The following GPATCH2 variants were observed in gnomAD, a reference collection of about 807,000 sequenced individuals.
GPATCH2 encodes the protein G-patch domain containing 2.
GPATCH2 carries 51 observed loss-of-function variants against 58.0 expected under a neutral mutation model. The observed-to-expected ratio is 0.88, with a 90% CI of 0.70 to 1.11. The LOEUF is 1.11. GPATCH2 is among the 50% of genes most tolerant of loss of function. The pLI is 0.00. For missense variants in GPATCH2, 625 were observed against 652.2 expected (o/e 0.96, Z 0.45); for synonymous variants, 222 against 218.5 (o/e 1.02, Z -0.14).
chr1:217,557,186 C>A (rs1350736133), intron 5 of GPATCH2, among the ~76,000 whole-genome samples: 1 of 152,130 alleles, frequency 6.6e-6, no homozygotes, highest in Non-Finnish European at 1.5e-5. Context: ...GCGGGTGGAT[C>A]ACCTGAGGTC....
intron 8 of GPATCH2, among the ~76,000 whole-genome samples, chr1:217,466,741 G>A (rs981442207): frequency 2.0e-5 from 3 of 152,106 alleles, no homozygotes; most frequent in Admixed American, 6.5e-5. Flanking sequence ...AGAAAAAAAA[G>A]CCTTCTTCAA....
chr1:217,491,840 C>A, intron 7 of GPATCH2, 90 bp from the exon 8 acceptor site: 3 of 467,548 alleles, frequency 6.4e-6, no homozygotes, highest in Non-Finnish European at 7.7e-6. Context: ...TTCAAAGGGA[C>A]ACTACTCATT....
At chr1:217,628,682 T>TAAAAAAAA in intron 1 of GPATCH2, among the ~76,000 whole-genome samples, 1 of 131,140 alleles carries the variant, frequency 7.6e-6, no homozygotes, top group Non-Finnish European at 1.6e-5. Context: ...ATAATAAAGT[T>TAAAAAAAA]AAAAAAAAAA....
chr1:217,612,832 C>T (rs1034776337), intron 3 of GPATCH2, among the ~76,000 whole-genome samples: 3 of 152,128 alleles, frequency 2.0e-5, no homozygotes, highest in Admixed American at 1.3e-4. Flanking sequence ...AAAGTTACTT[C>T]AACTCTATTA....
At chr1:217,449,219 T>C (rs1659541053) in intron 9 of GPATCH2, 30 bp downstream of exon 9, 1 of 1,100,780 alleles carries the variant, frequency 9.1e-7, no homozygotes, top group African/African-American at 1.5e-5. Flanking sequence ...TCTACATTTG[T>C]GCTCCACTCT....
chr1:217,528,142 T>A (rs1227975162), intron 5 of GPATCH2, among the ~76,000 whole-genome samples: 1 of 152,130 alleles, frequency 6.6e-6, no homozygotes, highest in Non-Finnish European at 1.5e-5. Flanking sequence ...TGACTAGAAG[T>A]TCATGGAAAA....
intron 7 of GPATCH2, among the ~76,000 whole-genome samples, chr1:217,494,225 C>A (rs552422408): frequency 6.6e-6 from 1 of 152,278 alleles, no homozygotes; most frequent in South Asian, 2.1e-4. Flanking sequence ...TTACTTAATG[C>A]AATGCATCTA....
At chr1:217,487,137 C>T (rs1661489652) in intron 8 of GPATCH2, among the ~76,000 whole-genome samples, 1 of 152,158 alleles carries the variant, frequency 6.6e-6, no homozygotes, top group Non-Finnish European at 1.5e-5. Context: ...AAGTCAAAGC[C>T]ACCCTGCTTT....
Position 217,630,906 on chromosome 1 carries a change from C to T in GPATCH2, c.56+10G>A. The stretch of plus-strand genomic sequence containing the variant: ...CCTGACCTCCCCCTCCCCAGGGCCG[C>T]CAGCCTCACCAGCTGTTCCCGGCTG... On this transcript the variant is annotated intron_variant, in intron 1 of 9. Transcript: ENST00000366935. 1 of 1,583,696 alleles carries T rather than the reference C, an allele frequency of 6.3e-7. No homozygotes were observed. Among genetic ancestry groups the T allele is most frequent in the Non-Finnish European group, 8.5e-7 (1 of 1,169,692 alleles).
chr1:217,630,278 A>T (rs1008832784), intron 1 of GPATCH2, among the ~76,000 whole-genome samples: 15 of 152,146 alleles, frequency 9.9e-5, no homozygotes, highest in Non-Finnish European at 4.4e-5. Flanking sequence ...AAGTGTATTA[A>T]TTTGTGGAAA....
chr1:217,467,282 C>CA (rs1660506217), intron 8 of GPATCH2, among the ~76,000 whole-genome samples: 1 of 152,046 alleles, frequency 6.6e-6, no homozygotes, highest in Admixed American at 6.6e-5. Flanking sequence ...TTGTGGATCC[C>CA]ATGAGTATTT....
chr1:217,567,892 G>A (rs1192636083), intron 5 of GPATCH2, among the ~76,000 whole-genome samples: 5 of 152,094 alleles, frequency 3.3e-5, no homozygotes, highest in Middle Eastern at 3.2e-3. Flanking sequence ...CAAGGTGGGC[G>A]GATCACAAGG....
At chr1:217,527,681 C>T (rs1230019708) in intron 5 of GPATCH2, among the ~76,000 whole-genome samples, 1 of 152,116 alleles carries the variant, frequency 6.6e-6, no homozygotes, top group Non-Finnish European at 1.5e-5. Context: ...CAAGCTCAAT[C>T]CCTAATTTTA....
At chr1:217,607,374 ATTG>A (rs1279344957) in intron 5 of GPATCH2, among the ~76,000 whole-genome samples, 1 of 151,688 alleles carries the variant, frequency 6.6e-6, no homozygotes, top group African/African-American at 2.4e-5. Context: ...TTTTTTTTGA[ATTG>A]TTGTGCTTTT....
rs760315016 is a variant in GPATCH2 at position 217,620,049 on chromosome 1, T to C, written c.507A>G (p.Val169=). 1.9e-6 allele frequency: 3 copies of C among 1,614,042 alleles called. No homozygotes were observed. Among genetic ancestry groups the C allele is most frequent in the Admixed American group, 1.7e-5 (1 of 60,016 alleles). The change falls in exon 2 of 10, where the codon GTA becomes GTG. Residue 169 remains valine (V), a synonymous_variant. Coordinates refer to ENST00000366935, the MANE Select transcript of GPATCH2 (RefSeq NM_018040.5). ...RRRRKVKRMA[V]DLPQDISNKR... ...TGTTAGAGATGTCCTGTGGGAGATC[T>C]ACTGCCATGCGTTTTACCTTTCTCC...
chr1:217,601,812 C>T (rs1034237745), intron 5 of GPATCH2, among the ~76,000 whole-genome samples: 4 of 152,056 alleles, frequency 2.6e-5, no homozygotes, highest in Admixed American at 6.6e-5. Flanking sequence ...TTTTTATTTC[C>T]TTATTCTCCT....
chr1:217,578,031 G>A (rs1666890184), intron 5 of GPATCH2, among the ~76,000 whole-genome samples: 1 of 142,678 alleles, frequency 7.0e-6, no homozygotes, highest in African/African-American at 2.6e-5. Flanking sequence ...ACAGGCATGA[G>A]CCACTGCATC....
At position 217,506,218 on chromosome 1, in the gene GPATCH2, C is replaced by T. The variant is rs150893240; in HGVS notation, c.1167-7823G>A. 9.7e-3 allele frequency among the ~76,000 whole-genome samples: 1,483 copies of T among 152,242 alleles called. 23 individuals are homozygous for T. Among genetic ancestry groups the T allele is most frequent in the African/African-American group, 0.033 (1,367 of 41,534 alleles). On this transcript the variant is annotated intron_variant, in intron 6 of 9. Coordinates refer to ENST00000366935, the MANE Select transcript of GPATCH2 (RefSeq NM_018040.5). Reference sequence around the variant, plus strand: ...TCCATTATTGTAAAGAGTTCTTCTGCTGGGTAACACTGGTCTAAGTGGATT... The same window carrying T: ...TCCATTATTGTAAAGAGTTCTTCTGTTGGGTAACACTGGTCTAAGTGGATT...
intron 6 of GPATCH2, among the ~76,000 whole-genome samples, chr1:217,499,057 A>G (rs1662160172): frequency 6.6e-6 from 1 of 152,114 alleles, no homozygotes; most frequent in South Asian, 2.1e-4. Flanking sequence ...TGTATCTGGC[A>G]ATACCTTTTC....
Sources: allele counts gnomAD v4.1 joint callset (sites outside exome capture counted in the v4.1 genomes callset), GRCh38; gene constraint gnomAD v4.1.1; transcripts MANE v1.5; gene names NCBI Gene and HGNC (gene_info 2026-07-23, HGNC 2026-07-21).